PHF21A: variants seen among roughly 807,000 people sequenced by gnomAD.
PHF21A encodes the protein PHD finger protein 21A, also known as BHC80a.
In PHF21A, 11 loss-of-function variants were observed where a neutral mutation model predicts 82.5. That is an observed-to-expected ratio of 0.13 (90% confidence interval 0.08 to 0.22). PHF21A has a LOEUF of 0.22. Among genes scored for constraint, PHF21A ranks in the 10% least tolerant of loss-of-function variants. The pLI, the probability that PHF21A is intolerant of heterozygous loss-of-function variation, is 1.00. For synonymous variants in PHF21A, 297 were observed against 302.8 expected, an observed-to-expected ratio of 0.98 and a Z score of 0.20; for missense variants, 579 against 837.8, an observed-to-expected ratio of 0.69 and a Z score of 3.81.
At chr11:46,059,513 A>G (rs966518620) in intron 6 of PHF21A, among the ~76,000 whole-genome samples, 2 of 152,000 alleles carry the variant, frequency 1.3e-5, no homozygotes, top group African/African-American at 4.8e-5. Context: ...GTAACCTCGA[A>G]TTCCTGGGTT....
intron 6 of PHF21A, among the ~76,000 whole-genome samples, chr11:46,019,140 T>C (rs1202640224): frequency 6.6e-6 from 1 of 152,112 alleles, no homozygotes; most frequent in Non-Finnish European, 1.5e-5. Context: ...TTGCAAACTT[T>C]TGTGGCTGTT....
intron 6 of PHF21A, among the ~76,000 whole-genome samples, chr11:46,029,299 A>G (rs2095817109): frequency 6.6e-6 from 1 of 152,218 alleles, no homozygotes; most frequent in Admixed American, 6.5e-5. Context: ...GGTTCCCAAA[A>G]CAATATTTTA....
chr11:46,019,097 T>A (rs1435030869), intron 6 of PHF21A, among the ~76,000 whole-genome samples: 2 of 152,066 alleles, frequency 1.3e-5, no homozygotes, highest in East Asian at 1.9e-4. Context: ...TTTTTTTTTT[T>A]AATTTGGAGC....
At chr11:46,103,689 A>AAC (rs1460239057) in intron 1 of PHF21A, among the ~76,000 whole-genome samples, 1 of 152,220 alleles carries the variant, frequency 6.6e-6, no homozygotes, top group African/African-American at 2.4e-5. Flanking sequence ...TGCTAAGGGT[A>AAC]ACATATACCA....
chr11:46,000,039 G>A (rs1344278285), intron 6 of PHF21A, among the ~76,000 whole-genome samples: 1 of 152,154 alleles, frequency 6.6e-6, no homozygotes, highest in African/African-American at 2.4e-5. Context: ...ATCTAGGGGA[G>A]ATTCTAATTT....
At chr11:45,960,749 C>T (rs1017662832) in intron 10 of PHF21A, among the ~76,000 whole-genome samples, 5 of 152,118 alleles carry the variant, frequency 3.3e-5, no homozygotes, top group African/African-American at 4.8e-5. Flanking sequence ...GATATCCCTT[C>T]GATGAATCTA....
intron 10 of PHF21A, 69 bp downstream of exon 10, chr11:45,965,246 G>A: frequency 7.4e-7 from 1 of 1,343,814 alleles, no homozygotes; most frequent in East Asian, 2.4e-5. Flanking sequence ...TGTATTTAGA[G>A]AAAGCCCAGC....
intron 6 of PHF21A, among the ~76,000 whole-genome samples, chr11:46,063,412 A>G (rs2096559379): frequency 6.6e-6 from 1 of 152,190 alleles, no homozygotes; most frequent in Non-Finnish European, 1.5e-5. Flanking sequence ...GTAAGGCCAT[A>G]CTGTCTTTGT....
intron 1 of PHF21A, among the ~76,000 whole-genome samples, chr11:46,109,243 G>A (rs2097184479): frequency 6.6e-6 from 1 of 152,206 alleles, no homozygotes; most frequent in South Asian, 2.1e-4. Context: ...TTCCTCATTT[G>A]TAAAATGGAG....
At chr11:45,942,516 TGAGAGAGAC>T (rs1363141369) in intron 15 of PHF21A, among the ~76,000 whole-genome samples, 2 of 152,238 alleles carry the variant, frequency 1.3e-5, no homozygotes. Flanking sequence ...ACAAGATTTC[TGAGAGAGAC>T]CCTGCTGCTC....
intron 6 of PHF21A, among the ~76,000 whole-genome samples, chr11:46,059,894 T>TTTA (rs2096511954): frequency 6.6e-6 from 1 of 151,956 alleles, no homozygotes; most frequent in African/African-American, 2.4e-5. Context: ...GCCCAGCTGA[T>TTTA]TTTATTTATT....
chr11:45,985,918 GACA>G (rs1444518740), intron 6 of PHF21A, among the ~76,000 whole-genome samples: 6 of 152,162 alleles, frequency 3.9e-5, no homozygotes, highest in East Asian at 1.9e-4. Context: ...TAAACAAATT[GACA>G]ACAGCAGCAA....
intron 3 of PHF21A, among the ~76,000 whole-genome samples, chr11:46,088,672 A>C (rs1195349862): frequency 6.6e-6 from 1 of 152,202 alleles, no homozygotes; most frequent in Non-Finnish European, 1.5e-5. Context: ...TGGTTTAAAT[A>C]AGGCAAAATT....
At position 46,115,617 on chromosome 11, in the gene PHF21A, T is replaced by C. The variant is rs2097279716; in HGVS notation, c.-237+5318A>G. Among the ~76,000 whole-genome samples the C allele has an allele frequency of 1.3e-5, 2 of 152,122 alleles. 1 individual carries two copies. Among genetic ancestry groups the C allele is most frequent in the South Asian group, 4.1e-4 (2 of 4,834 alleles). On this transcript the variant is annotated intron_variant, in intron 1 of 18. Transcript: ENST00000676320. ...TTCTTAGGCCTATAAAAAAAGCCCATGTACAAAAGCTCCTGAGAAGTCAAC... is the reference window on the plus strand; with the variant it reads ...TTCTTAGGCCTATAAAAAAAGCCCACGTACAAAAGCTCCTGAGAAGTCAAC...
At chr11:46,118,691 C>T (rs1177790419) in intron 1 of PHF21A, 2 of 152,010 alleles carry the variant, frequency 1.3e-5, no homozygotes, top group Admixed American at 6.5e-5. Flanking sequence ...GCCCACAACA[C>T]CGATTCCATA....
At chr11:46,011,786 T>C (rs994787221) in intron 6 of PHF21A, among the ~76,000 whole-genome samples, 3 of 152,206 alleles carry the variant, frequency 2.0e-5, no homozygotes, top group Non-Finnish European at 2.9e-5. Context: ...GAGTTTTTAT[T>C]TACTGCTTGA....
chr11:46,009,929 C>T (rs761642226), intron 6 of PHF21A, among the ~76,000 whole-genome samples: 3 of 152,144 alleles, frequency 2.0e-5, no homozygotes, highest in Non-Finnish European at 4.4e-5. Flanking sequence ...GATAAAGGGG[C>T]CGTCAGTCAC....
At chr11:46,000,186 T>C (rs1343920068) in intron 6 of PHF21A, among the ~76,000 whole-genome samples, 1 of 152,170 alleles carries the variant, frequency 6.6e-6, no homozygotes, top group East Asian at 1.9e-4. Context: ...AACCAACATA[T>C]TTAGCACGAA....
At position 46,084,181 on chromosome 11, in the gene PHF21A, T is replaced by C. The variant is rs1273852840; in HGVS notation, c.39A>G (p.Glu13=). ...LQTLQEALKV[E]IQVHQKLVAQ... is the part of the protein sequence containing the mutation. ...TACAACTTACCTGGTGAACCTGAAT[T>C]TCCACTTTAAGAGCCTCCTGTAGAG... The change falls in exon 4 of 19, where the codon GAA becomes GAG. Residue 13 remains glutamate (E), a synonymous_variant. Coordinates refer to ENST00000676320, the MANE Select transcript of PHF21A (RefSeq NM_001352027.3). The C allele has an allele frequency of 1.2e-6, 2 of 1,600,872 alleles. No homozygotes were observed. The highest frequency in any genetic ancestry group is 1.7e-6 in the Non-Finnish European group (2 of 1,175,868).
Sources: gnomAD v4.1 joint callset for allele counts (sites outside exome capture counted in the v4.1 genomes callset) on GRCh38, gnomAD v4.1.1 for gene constraint, MANE v1.5 for transcripts, NCBI Gene and HGNC (gene_info 2026-07-23, HGNC 2026-07-21) for gene names.